IL12RB1: variants seen among roughly 807,000 people sequenced by gnomAD.
The protein encoded by IL12RB1 is interleukin 12 receptor subunit beta 1, also known as interleukin-12 receptor subunit beta-1.
In IL12RB1, 64 loss-of-function variants were observed where a neutral mutation model predicts 94.4. The ratio of observed to expected loss-of-function variants is 0.68; its 90% CI spans 0.55 to 0.83. The LOEUF (loss-of-function observed/expected upper bound fraction) is 0.83, where lower values mean the gene tolerates loss of function less well. Among genes scored for constraint, IL12RB1 ranks in the 40% least tolerant of loss-of-function variants. The pLI, the probability that IL12RB1 is intolerant of heterozygous loss-of-function variation, is 0.00. For synonymous variants in IL12RB1, 362 were observed against 355.5 expected, an observed-to-expected ratio of 1.02 and a Z score of -0.21; for missense variants, 814 against 855.6, an observed-to-expected ratio of 0.95 and a Z score of 0.61.
chr19:18,090,795 T>C (rs1301067288), upstream of IL12RB1: 4 of 152,272 alleles, frequency 2.6e-5, no homozygotes, highest in Non-Finnish European at 5.9e-5. Context: ...GGGAGGGAGA[T>C]ACAGGGCTGG....
At chr19:18,087,322 G>A (rs555485001), upstream of IL12RB1, among the ~76,000 whole-genome samples, 11 of 151,048 alleles carry the variant, frequency 7.3e-5, 1 homozygote, top group South Asian at 2.1e-3. Context: ...CAATTCTCCT[G>A]CCTCAGCCTC....
rs144375237 is a variant in IL12RB1, at chr19:18,093,135, T to C, written c.-229-2366A>G. On this transcript the variant is annotated intron_variant, in intron 1 of 4. Transcript: ENST00000594176. ...GCCTGGCAAACATGGTGAAACCCTG[T>C]CTCCACTAAAAATACAAAGATTAGC... Among the ~76,000 whole-genome samples, 1,112 of 151,808 alleles carry C rather than the reference T, an allele frequency of 7.3e-3. 15 individuals carry two copies. The highest frequency in any genetic ancestry group is 0.026 in the African/African-American group (1,063 of 41,410).
At chr19:18,069,413 A>T (rs968033712) in intron 10 of IL12RB1, 133 bp downstream of exon 10, 6 of 868,218 alleles carry the variant, frequency 6.9e-6, no homozygotes, top group Admixed American at 5.2e-5. Flanking sequence ...CCTCTGTATG[A>T]CATTGAGTAA....
intron 1 of IL12RB1, among the ~76,000 whole-genome samples, chr19:18,092,670 GAA>G (rs58773304): frequency 0.51 from 68,060 of 132,226 alleles, 17,243 homozygotes; most frequent in East Asian, 0.78. Flanking sequence ...AACTCTGTCT[GAA>G]AAAAAAAAAA....
intron 14 of IL12RB1, among the ~76,000 whole-genome samples, chr19:18,061,643 C>T (rs954622228): frequency 1.3e-5 from 2 of 151,962 alleles, no homozygotes; most frequent in Non-Finnish European, 1.5e-5. Context: ...ATAGGATCAC[C>T]TGAGGTCAGG....
At chr19:18,068,580 C>CA in intron 10 of IL12RB1, 54 bp from the exon 11 acceptor site, 1 of 1,477,846 alleles carries the variant, frequency 6.8e-7, no homozygotes. Context: ...CCCACCTCTG[C>CA]ACCTTTGCAC....
chr19:18,061,120 A>C lies in IL12RB1; in HGVS notation c.1791+2T>G, dbSNP rs554063682. The C allele has an allele frequency of 7.4e-5, 115 of 1,548,370 alleles. No homozygotes were observed. The highest frequency in any genetic ancestry group is 1.0e-4 in the Admixed American group (6 of 58,164). The stretch of plus-strand genomic sequence containing the variant: ...ACTTGGAATTAGAAAAGGCATCCTT[A>C]CCTCCTTCCCTCCAGGGAACTCAAT... On this transcript the variant is annotated splice_donor_variant, in intron 15 of 16. Transcript: ENST00000593993. LOFTEE classifies it high-confidence loss of function.
At position 18,068,480 on chromosome 19, in the gene IL12RB1, C is replaced by T; in HGVS notation, c.1236G>A (p.Lys412=). The T allele has an allele frequency of 6.2e-7, 1 of 1,612,664 alleles. No homozygotes were observed. The highest frequency in any genetic ancestry group is 8.5e-7 in the Non-Finnish European group (1 of 1,178,828). The change falls in exon 11 of 17, where the codon AAG becomes AAA. Residue 412 remains lysine, a synonymous_variant. Coordinates refer to ENST00000593993, the MANE Select transcript of IL12RB1 (RefSeq NM_005535.3). ...AGGCAAAGATGGTAATGTAGTAACA[C>T]TTTTCCTGCCCCATTGCCCCAGACT... ...SRESGAMGQE[K]CYYITIFASA...
chr19:18,076,274 G>C (rs774228990), intron 6 of IL12RB1, 23 bp downstream of exon 6: 8 of 1,243,638 alleles, frequency 6.4e-6, no homozygotes, highest in South Asian at 1.2e-5. Context: ...AGCTGTTGTT[G>C]TCATTACTAT....
In IL12RB1 at chr19:18,068,475, T is replaced by G. The variant is rs752642420; in HGVS notation, c.1241A>C (p.Tyr414Ser). Reference protein sequence around the residue: ...ESGAMGQEKCYYITIFASAHP... With the variant: ...ESGAMGQEKCSYITIFASAHP... The stretch of plus-strand genomic sequence containing the variant: ...CGCAGAGGCAAAGATGGTAATGTAG[T>G]AACACTTTTCCTGCCCCATTGCCCC... Residue 414 changes from tyrosine to serine, a missense_variant, in exon 11 of 17, where the codon TAC (tyrosine) becomes TCC (serine). Physicochemically the swap from Tyr to Ser is moderately radical, Grantham distance 144. Coordinates refer to ENST00000593993, the MANE Select transcript of IL12RB1 (RefSeq NM_005535.3). 1.2e-6 allele frequency: 2 copies of G among 1,611,774 alleles called. No individual in the cohort carries two copies. The highest frequency in any genetic ancestry group is 2.2e-5 in the South Asian group (2 of 90,996).
chr19:18,093,037 G>T (rs2036706395), intron 1 of IL12RB1, among the ~76,000 whole-genome samples: 1 of 152,004 alleles, frequency 6.6e-6, no homozygotes, highest in Admixed American at 6.6e-5. Context: ...GGGCACAGTG[G>T]CTCATGCCTG....
At chr19:18,088,284 G>A (rs192689402), upstream of IL12RB1, among the ~76,000 whole-genome samples, 37 of 151,994 alleles carry the variant, frequency 2.4e-4, no homozygotes, top group East Asian at 7.2e-3. Context: ...TACTGAGGAG[G>A]CTGAGGCAGG....
chr19:18,067,438 G>A (rs2034675105), intron 11 of IL12RB1, among the ~76,000 whole-genome samples: 1 of 151,926 alleles, frequency 6.6e-6, no homozygotes, highest in Non-Finnish European at 1.5e-5. Context: ...GGTGAGCTGG[G>A]TTTTAATTCT....
rs1310554219 is a variant in IL12RB1, at chr19:18,060,145, G to T, written c.1792-60C>A. On this transcript the variant is annotated intron_variant, in intron 15 of 16. Coordinates refer to ENST00000593993, the MANE Select transcript of IL12RB1 (RefSeq NM_005535.3). ...GAGCTCTACTTCCCATCCACAGCAGGATGGAACGGACCAGGTCACTGCTGG... is the reference window on the plus strand; with the variant it reads ...GAGCTCTACTTCCCATCCACAGCAGTATGGAACGGACCAGGTCACTGCTGG... The T allele has an allele frequency of 1.4e-5, 13 of 917,302 alleles. 1 individual carries two copies. The highest frequency in any genetic ancestry group is 2.2e-4 in the Middle Eastern group (1 of 4,496). 56.8% of individuals were successfully genotyped at this position (917,302 alleles called of 1,614,324 possible).
At chr19:18,097,691 A>G (rs1599620112) in intron 1 of IL12RB1, 2 of 595,844 alleles carry the variant, frequency 3.4e-6, no homozygotes, top group Admixed American at 5.8e-5. Flanking sequence ...GGGCGGGGCC[A>G]GGCCGTGTCA....
Position 18,062,789 on chromosome 19 carries a change from A to G in IL12RB1, c.1619-512T>C, listed in dbSNP as rs143643392. Among the ~76,000 whole-genome samples, 13 of 151,740 alleles carry G rather than the reference A, an allele frequency of 8.6e-5. No homozygotes were observed. The East Asian group carries it at 2.5e-3, about 30-fold the overall frequency. On this transcript the variant is annotated intron_variant, in intron 13 of 16. Coordinates refer to ENST00000593993, the MANE Select transcript of IL12RB1 (RefSeq NM_005535.3). ...ATCTGTCTCAAAAAGATAAAAAAAG[A>G]CTCTGTAATTCCAGGAGCCTGCACA... is the stretch of plus-strand genomic sequence containing the variant.
chr19:18,062,559 G>T (rs1172758737), intron 13 of IL12RB1, among the ~76,000 whole-genome samples: 1 of 152,156 alleles, frequency 6.6e-6, no homozygotes, highest in East Asian at 1.9e-4. Context: ...GATCACCTGA[G>T]GTCAGGAGTT....
In IL12RB1 at chr19:18,068,509, G is replaced by C. The variant is rs1164891948; in HGVS notation, c.1207C>G (p.Arg403Gly). The change falls in exon 11 of 17, where the codon CGA (arginine) becomes GGA (glycine). Residue 403 changes from arginine to glycine, a missense_variant. By Grantham distance (125) the Arg-to-Gly change is moderately radical. Coordinates refer to ENST00000593993, the MANE Select transcript of IL12RB1 (RefSeq NM_005535.3). ...PAGMATYSWS[R>G]ESGAMGQEKC... Reference sequence around the variant, plus strand: ...TCCTGCCCCATTGCCCCAGACTCTCGACTCCAGCTGTAGGTTGCTGGAAGG... The same window carrying C: ...TCCTGCCCCATTGCCCCAGACTCTCCACTCCAGCTGTAGGTTGCTGGAAGG... 1 of 1,612,378 alleles carries C rather than the reference G, an allele frequency of 6.2e-7. No homozygotes were observed. Among genetic ancestry groups the C allele is most frequent in the Non-Finnish European group, 8.5e-7 (1 of 1,178,802 alleles).
At chr19:18,060,224 A>G in intron 15 of IL12RB1, 139 bp from the exon 16 acceptor site, 1 of 607,898 alleles carries the variant, frequency 1.6e-6, no homozygotes, top group African/African-American at 1.8e-5. Flanking sequence ...CACACCTGTC[A>G]TCCCAGCACT....
Sources: gnomAD v4.1 joint callset for allele counts (sites outside exome capture counted in the v4.1 genomes callset) on GRCh38, gnomAD v4.1.1 for gene constraint, MANE v1.5 for transcripts, NCBI Gene and HGNC (gene_info 2026-07-23, HGNC 2026-07-21) for gene names.